Variants in RPS6KA1 observed in about 807,000 individuals in gnomAD.
RPS6KA1 encodes the protein ribosomal protein S6 kinase alpha-1.
A neutral mutation model predicts 91.3 loss-of-function variants in RPS6KA1; 48 were observed. The ratio of observed to expected loss-of-function variants is 0.53; its 90% CI spans 0.42 to 0.67. RPS6KA1 has a LOEUF of 0.67. Among genes scored for constraint, RPS6KA1 ranks in the 30% least tolerant of loss-of-function variants. The probability of loss-of-function intolerance (pLI) is 0.00; values close to 1 mark genes in which losing one functional copy is unlikely to be tolerated. For missense variants in RPS6KA1, 719 were observed against 960.5 expected (o/e 0.75, Z 3.32); for synonymous variants, 359 against 384.7 (o/e 0.93, Z 0.78).
At chr1:26,538,445 A>G (rs1393360192) in intron 2 of RPS6KA1, among the ~76,000 whole-genome samples, 1 of 152,182 alleles carries the variant, frequency 6.6e-6, no homozygotes, top group Non-Finnish European at 1.5e-5. Flanking sequence ...CGAGGCAGGT[A>G]ACCTTTTGCT....
chr1:26,571,459 G>A lies in RPS6KA1; in HGVS notation c.1601G>A (p.Arg534Lys). The A allele has an allele frequency of 6.2e-7, 1 of 1,614,114 alleles. No individual in the cohort carries two copies. The highest frequency in any genetic ancestry group is 8.5e-7 in the Non-Finnish European group (1 of 1,180,016). The change falls in exon 18 of 22, where the codon AGG becomes AAG. Residue 534 changes from arginine to lysine, a missense_variant. By Grantham distance (26) the Arg-to-Lys change is conservative. This residue lies in a region of RPS6KA1 where 249 missense variants were observed against 323.1 expected (regional missense o/e 0.77). Transcript: ENST00000374168. This position sits in a 1 kb window ranked among gnomAD's most constrained non-coding sequence, Gnocchi z 5.1. ...GCCCCCTGCCCCTAGGTTGTGCACA[G>A]GGACCTGAAGCCCAGCAACATCCTG... The part of the protein sequence containing the change: ...EYLHSQGVVH[R>K]DLKPSNILYV...
Position 26,551,353 on chromosome 1 carries a change from T to C in RPS6KA1, c.308-44T>C. 1 of 1,566,390 alleles carries C rather than the reference T, an allele frequency of 6.4e-7. No individual in the cohort carries two copies. Among genetic ancestry groups the C allele is most frequent in the Non-Finnish European group, 8.8e-7 (1 of 1,137,524 alleles). On this transcript the variant is annotated intron_variant, in intron 4 of 21. Coordinates refer to ENST00000374168, the MANE Select transcript of RPS6KA1 (RefSeq NM_002953.4). This position sits in a 1 kb window ranked among gnomAD's most constrained non-coding sequence, Gnocchi z 4.5. ...TAGCGGGGGCTTGGGAGTGGCTGTG[T>C]TGAGTGTCTAGGCTACTGGTGACTT...
rs2076253302 is a variant in RPS6KA1, at chr1:26,571,988, G to A, written c.1829+63G>A. 1 of 1,529,886 alleles carries A rather than the reference G, an allele frequency of 6.5e-7. No homozygotes were observed. Among genetic ancestry groups the A allele is most frequent in the Admixed American group, 1.7e-5 (1 of 58,274 alleles). 94.8% of individuals were successfully genotyped at this position (1,529,886 alleles called of 1,614,324 possible). Reference sequence around the variant, plus strand: ...AGCCCTAGCACTTGGGCTGAGTGGTGCTTGTCTGATAGGAATGGCTCAGCC... The same window carrying A: ...AGCCCTAGCACTTGGGCTGAGTGGTACTTGTCTGATAGGAATGGCTCAGCC... On this transcript the variant is annotated intron_variant, in intron 19 of 21. Transcript: ENST00000374168. The surrounding 1 kb of genome is among the most constrained non-coding windows in gnomAD (Gnocchi z 5.1).
chr1:26,562,922 T>C (rs900865965), intron 17 of RPS6KA1, among the ~76,000 whole-genome samples: 1 of 140,944 alleles, frequency 7.1e-6, no homozygotes, highest in Non-Finnish European at 1.5e-5. Flanking sequence ...CTGCAACCTC[T>C]GCCTCCCGGG....
chr1:26,545,034 C>A (rs531622152), intron 2 of RPS6KA1, among the ~76,000 whole-genome samples: 1 of 151,930 alleles, frequency 6.6e-6, no homozygotes, highest in African/African-American at 2.4e-5. Flanking sequence ...TTGTCAGGTA[C>A]GTGTCTCCAT....
At chr1:26,536,825 G>A (rs892536806) in intron 1 of RPS6KA1, 100 bp from the exon 2 acceptor site, 19 of 1,357,904 alleles carry the variant, frequency 1.4e-5, no homozygotes, top group Admixed American at 3.4e-5. Flanking sequence ...TGGCCTCCAT[G>A]GCTATTGGGA....
At chr1:26,556,561 T>G in intron 11 of RPS6KA1, 93 bp from the exon 12 acceptor site, 1 of 1,337,988 alleles carries the variant, frequency 7.5e-7, no homozygotes, top group Non-Finnish European at 1.1e-6. Context: ...CTCCAGCAGC[T>G]GGTCCCAGAG....
At chr1:26,536,287 C>A (rs2075906017) in intron 1 of RPS6KA1, among the ~76,000 whole-genome samples, 2 of 152,166 alleles carry the variant, frequency 1.3e-5, no homozygotes, top group African/African-American at 4.8e-5. Context: ...TGGGACTCCC[C>A]ATTTATTAGG....
At position 26,573,386 on chromosome 1, in the gene RPS6KA1, G is replaced by A. The variant is rs1330323214; in HGVS notation, c.2085+25G>A. On this transcript the variant is annotated intron_variant, in intron 21 of 21. Coordinates refer to ENST00000374168, the MANE Select transcript of RPS6KA1 (RefSeq NM_002953.4). ...GGTATGGCCACCCTTGGGCTGCTGG[G>A]CATCTGGGGGGTCAGCCCAAGGTGG... is the stretch of plus-strand genomic sequence containing the variant. The A allele has an allele frequency of 2.5e-6, 4 of 1,613,530 alleles. No individual in the cohort carries two copies. The South Asian group carries it at 3.3e-5, about 13-fold the overall frequency.
intron 2 of RPS6KA1, among the ~76,000 whole-genome samples, chr1:26,546,275 G>T (rs2075993950): frequency 6.6e-6 from 1 of 152,210 alleles, no homozygotes; most frequent in African/African-American, 2.4e-5. Context: ...CTGGCAAGGG[G>T]CTTCCAGTAG....
At chr1:26,545,789 G>A in intron 2 of RPS6KA1, 1 of 1,386,246 alleles carries the variant, frequency 7.2e-7, no homozygotes. Flanking sequence ...GCTGCCCTGG[G>A]CCAGGCCCAG....
chr1:26,552,560 C>A (rs1209408748), intron 6 of RPS6KA1, among the ~76,000 whole-genome samples: 1 of 143,234 alleles, frequency 7.0e-6, no homozygotes, highest in Admixed American at 7.3e-5. Flanking sequence ...GGTCTCAGCT[C>A]ACTGCAACCT....
Position 26,551,782 on chromosome 1 carries a change from C to A in RPS6KA1, c.468+59C>A, listed in dbSNP as rs762788343. 2.2e-5 allele frequency: 31 copies of A among 1,414,644 alleles called. No homozygotes were observed. Among genetic ancestry groups the A allele is most frequent in the Non-Finnish European group, 3.0e-5 (30 of 999,000 alleles). The allele number at this position is 1,414,644 out of a possible 1,614,324, so 87.6% of individuals were successfully genotyped here. On this transcript the variant is annotated intron_variant, in intron 6 of 21. Transcript: ENST00000374168. The surrounding 1 kb of genome is among the most constrained non-coding windows in gnomAD (Gnocchi z 4.5). ...ATGGAGCTGAGGGACGACAAGTCCT[C>A]CCATCCCAGGGCCCTGTACAGAATG...
chr1:26,571,703 T>C lies in RPS6KA1; in HGVS notation c.1752+93T>C. 6.6e-7 allele frequency: 1 copy of C among 1,519,902 alleles called. No homozygotes were observed. Among genetic ancestry groups the C allele is most frequent in the Non-Finnish European group, 8.9e-7 (1 of 1,121,094 alleles). The allele number at this position is 1,519,902 out of a possible 1,614,324, so 94.2% of individuals were successfully genotyped here. A position where few individuals can be genotyped will look rare whatever the true frequency, so the allele number is the denominator to read the frequency against. ...GGCCCCACATTAGCCGGGACTCCAG[T>C]CTCTGTGACCTTGGCCCAGCTGGCA... On this transcript the variant is annotated intron_variant, in intron 18 of 21. Transcript: ENST00000374168. The surrounding 1 kb of genome is among the most constrained non-coding windows in gnomAD (Gnocchi z 5.1).
At chr1:26,544,712 G>C (rs1476565345) in intron 2 of RPS6KA1, among the ~76,000 whole-genome samples, 2 of 151,406 alleles carry the variant, frequency 1.3e-5, no homozygotes, top group African/African-American at 4.9e-5. Context: ...CTAACCTCGT[G>C]ATCCACCTGC....
chr1:26,544,900 C>T (rs1359583434), intron 2 of RPS6KA1, among the ~76,000 whole-genome samples: 1 of 151,460 alleles, frequency 6.6e-6, no homozygotes, highest in Non-Finnish European at 1.5e-5. Context: ...CTGTCTTTAC[C>T]TATTGGGTAT....
chr1:26,551,875 C>T lies in RPS6KA1; in HGVS notation c.468+152C>T, dbSNP rs183873742. ...GCAGCCCCTGGCCCAGGAAATACCA[C>T]GCACCCTGGAATGGAGGCCATACGC... On this transcript the variant is annotated intron_variant, in intron 6 of 21. Coordinates refer to ENST00000374168, the MANE Select transcript of RPS6KA1 (RefSeq NM_002953.4). The surrounding 1 kb of genome is among the most constrained non-coding windows in gnomAD (Gnocchi z 4.5). 3.1e-5 allele frequency: 21 copies of T among 679,512 alleles called. No individual in the cohort carries two copies. The highest frequency in any genetic ancestry group is 1.2e-4 in the Admixed American group (5 of 41,100). The allele number at this position is 679,512 out of a possible 1,614,324, so 42.1% of individuals were successfully genotyped here.
chr1:26,564,548 G>A (rs897498924), intron 17 of RPS6KA1, among the ~76,000 whole-genome samples: 2 of 152,148 alleles, frequency 1.3e-5, no homozygotes, highest in East Asian at 1.9e-4. Context: ...ATGAGCCACC[G>A]CGCCCGGCCA....
rs773208752 is a variant in RPS6KA1 at position 26,571,420 on chromosome 1, G to A, written c.1591-29G>A. The A allele has an allele frequency of 8.7e-6, 14 of 1,612,332 alleles. No homozygotes were observed. The highest frequency in any genetic ancestry group is 1.2e-5 in the Non-Finnish European group (14 of 1,178,842). Reference sequence around the variant, plus strand: ...GGGCCACTAGCCACCTCCCCACACTGAGAACTGACCCCAGCCCCCTGCCCC... The same window carrying A: ...GGGCCACTAGCCACCTCCCCACACTAAGAACTGACCCCAGCCCCCTGCCCC... On this transcript the variant is annotated intron_variant, in intron 17 of 21. Coordinates refer to ENST00000374168, the MANE Select transcript of RPS6KA1 (RefSeq NM_002953.4). The surrounding 1 kb of genome is among the most constrained non-coding windows in gnomAD (Gnocchi z 5.1).
Sources: gnomAD v4.1 joint callset for allele counts (sites outside exome capture counted in the v4.1 genomes callset) on GRCh38, gnomAD v4.1.1 for gene constraint, gnomAD v4.1.1 regional missense constraint, Gnocchi (gnomAD v3.1) non-coding constraint, MANE v1.5 for transcripts, NCBI Gene and HGNC (gene_info 2026-07-23, HGNC 2026-07-21) for gene names.